Variants in SLC1A3 observed in about 807,000 individuals in gnomAD.
The protein encoded by SLC1A3 is excitatory amino acid transporter 1.
Under a neutral mutation model 48.1 loss-of-function variants are expected in SLC1A3, and 21 were observed. The ratio of observed to expected loss-of-function variants is 0.44; its 90% CI spans 0.31 to 0.63. The LOEUF (loss-of-function observed/expected upper bound fraction) is 0.63, where lower values mean the gene tolerates loss of function less well. Among genes scored for constraint, SLC1A3 ranks in the 20% least tolerant of loss-of-function variants. The pLI is 0.08. For synonymous variants in SLC1A3, 239 were observed against 251.4 expected, an observed-to-expected ratio of 0.95 and a Z score of 0.47; for missense variants, 546 against 689.0, an observed-to-expected ratio of 0.79 and a Z score of 2.32.
chr5:36,675,816 T>C (rs1427984223), intron 5 of SLC1A3, among the ~76,000 whole-genome samples: 2 of 152,316 alleles, frequency 1.3e-5, no homozygotes, highest in Admixed American at 1.3e-4. Flanking sequence ...GGAGTAGTTG[T>C]TTCCCAGTGG....
In SLC1A3 at chr5:36,610,423, C is replaced by T. The variant is rs1178334913; in HGVS notation, c.181+1819C>T. Among the ~76,000 whole-genome samples the T allele has an allele frequency of 3.9e-5, 6 of 152,148 alleles. No individual in the cohort carries two copies. In the South Asian group the frequency reaches 6.2e-4, roughly 16 times the overall value. On this transcript the variant is annotated intron_variant, in intron 2 of 9. Coordinates refer to ENST00000265113, the MANE Select transcript of SLC1A3 (RefSeq NM_004172.5). ...CTCATTTATAATTCATGATCCTATA[C>T]GTATAATAAATAGAGCTCAGTAATA...
intron 2 of SLC1A3, among the ~76,000 whole-genome samples, chr5:36,620,386 A>G (rs1333514188): frequency 2.0e-5 from 3 of 152,206 alleles, no homozygotes; most frequent in Non-Finnish European, 4.4e-5. Context: ...AGCTAAGCCT[A>G]TGAGAAATCA....
intron 2 of SLC1A3, chr5:36,612,898 C>T (rs1222354496): frequency 3.3e-5 from 15 of 453,598 alleles, no homozygotes; most frequent in African/African-American, 3.0e-4. Context: ...TGCTGAGGGT[C>T]TGCCTGAGGT....
At chr5:36,682,835 T>C (rs1471906400) in intron 8 of SLC1A3, among the ~76,000 whole-genome samples, 1 of 152,174 alleles carries the variant, frequency 6.6e-6, no homozygotes, top group Admixed American at 6.5e-5. Context: ...GTAGTCTTCA[T>C]TCTGGGGAGC....
chr5:36,635,049 A>G (rs1433148308), intron 3 of SLC1A3, among the ~76,000 whole-genome samples: 2 of 152,100 alleles, frequency 1.3e-5, no homozygotes, highest in East Asian at 1.9e-4. Flanking sequence ...ATCTTAAACT[A>G]TGCATTGCCA....
At chr5:36,649,123 C>A (rs891809433) in intron 3 of SLC1A3, among the ~76,000 whole-genome samples, 1 of 151,970 alleles carries the variant, frequency 6.6e-6, no homozygotes, top group African/African-American at 2.4e-5. Context: ...GTGGGTGGAT[C>A]ACCTGAGATT....
intron 3 of SLC1A3, among the ~76,000 whole-genome samples, chr5:36,665,721 C>A (rs1544795): frequency 6.6e-6 from 1 of 152,018 alleles, no homozygotes; most frequent in Non-Finnish European, 1.5e-5. Flanking sequence ...GAGGAGGAAA[C>A]TGAGGCTTGG....
At chr5:36,616,854 A>G (rs1739456990) in intron 2 of SLC1A3, among the ~76,000 whole-genome samples, 1 of 152,238 alleles carries the variant, frequency 6.6e-6, no homozygotes, top group South Asian at 2.1e-4. Context: ...TTATGAGTCT[A>G]TGGAGAAACT....
intron 4 of SLC1A3, among the ~76,000 whole-genome samples, chr5:36,672,714 CA>C (rs1474078239): frequency 1.3e-5 from 2 of 152,148 alleles, no homozygotes; most frequent in South Asian, 4.1e-4. Context: ...AAACACTACC[CA>C]AGGGGCCTCT....
intron 8 of SLC1A3, among the ~76,000 whole-genome samples, 190 bp downstream of exon 8, chr5:36,680,779 T>TG (rs373010365): frequency 5.9e-5 from 9 of 152,200 alleles, no homozygotes; most frequent in African/African-American, 1.9e-4. Flanking sequence ...TAGCCAGGCC[T>TG]GGTGGCACGG....
chr5:36,649,134 G>T (rs1266918042), intron 3 of SLC1A3, among the ~76,000 whole-genome samples: 2 of 151,912 alleles, frequency 1.3e-5, no homozygotes, highest in Non-Finnish European at 2.9e-5. Flanking sequence ...ACCTGAGATT[G>T]GGAGTTCGAG....
At chr5:36,611,147 G>T (rs1022076691) in intron 2 of SLC1A3, among the ~76,000 whole-genome samples, 2 of 151,924 alleles carry the variant, frequency 1.3e-5, no homozygotes, top group Admixed American at 1.3e-4. Context: ...TAATTTATTT[G>T]CTGTAGCATA....
chr5:36,612,604 A>AT (rs1272020959), intron 2 of SLC1A3: 3 of 153,066 alleles, frequency 2.0e-5, no homozygotes, highest in African/African-American at 5.0e-5. Flanking sequence ...AAGAAAAAAA[A>AT]AATAATAATA....
chr5:36,657,985 C>G (rs1238537583), intron 3 of SLC1A3, among the ~76,000 whole-genome samples: 1 of 152,198 alleles, frequency 6.6e-6, no homozygotes, highest in Non-Finnish European at 1.5e-5. Flanking sequence ...TGAATCCAAT[C>G]CAAGACACAT....
chr5:36,668,473 A>G (rs950379967), intron 3 of SLC1A3: 1 of 152,252 alleles, frequency 6.6e-6, no homozygotes, highest in African/African-American at 2.4e-5. Flanking sequence ...TACCTGGAAC[A>G]GAGGTGGTCA....
chr5:36,623,869 A>G (rs1327077388), intron 2 of SLC1A3, among the ~76,000 whole-genome samples: 1 of 151,494 alleles, frequency 6.6e-6, no homozygotes, highest in East Asian at 1.9e-4. Flanking sequence ...TCTCAAAAAA[A>G]AAAAAAAAAA....
intron 5 of SLC1A3, among the ~76,000 whole-genome samples, chr5:36,676,623 A>AT (rs1742216969): frequency 6.7e-6 from 1 of 149,022 alleles, no homozygotes; most frequent in Admixed American, 6.8e-5. Flanking sequence ...TCCTGTTATC[A>AT]TTTGTTATGT....
chr5:36,649,112 G>A (rs1247937128), intron 3 of SLC1A3, among the ~76,000 whole-genome samples: 1 of 152,114 alleles, frequency 6.6e-6, no homozygotes, highest in Non-Finnish European at 1.5e-5. Context: ...GGGAGGCCAA[G>A]GTGGGTGGAT....
intron 8 of SLC1A3, 133 bp from the exon 9 acceptor site, chr5:36,683,731 C>G (rs921553647): frequency 2.1e-6 from 2 of 937,790 alleles, no homozygotes; most frequent in African/African-American, 3.3e-5. Context: ...ATCTCATTTA[C>G]GTTTTTTCTG....
Sources: gnomAD v4.1 joint callset for allele counts (sites outside exome capture counted in the v4.1 genomes callset) on GRCh38, gnomAD v4.1.1 for gene constraint, MANE v1.5 for transcripts, NCBI Gene and HGNC (gene_info 2026-07-23, HGNC 2026-07-21) for gene names.